PTCHD1: variants seen among roughly 807,000 people sequenced by gnomAD.
PTCHD1 encodes the protein patched domain containing 1.
A neutral mutation model predicts 34.6 loss-of-function variants in PTCHD1; 3 were observed. The ratio of observed to expected loss-of-function variants is 0.09; its 90% CI spans 0.04 to 0.22. PTCHD1 has a LOEUF of 0.22. Among genes scored for constraint, PTCHD1 ranks in the 10% least tolerant of loss-of-function variants. PTCHD1 has a pLI of 1.00. For synonymous variants in PTCHD1, 305 were observed against 283.1 expected (o/e 1.08, Z -0.77); for missense variants, 504 against 685.5 (o/e 0.74, Z 2.96).
At chrX:23,337,369 G>A (rs1414402930) in intron 1 of PTCHD1, among the ~76,000 whole-genome samples, 1 of 111,739 alleles carries the variant, frequency 8.9e-6, no homozygotes, top group East Asian at 2.8e-4. Flanking sequence ...CAGACTTACG[G>A]AACCAAGGAA....
At position 23,400,720 on chromosome X, in the gene PTCHD1, AC is replaced by A. The variant is rs906109471; in HGVS notation, c.*6537del. On this transcript the variant is annotated 3_prime_UTR_variant, in exon 3 of 3. Transcript: ENST00000379361. ...GCCTTGCATGAAGCACAAAGGACAC[AC>A]CAATGGCTGATCAGTGGCCCTTCCA... 8.9e-6 allele frequency: 1 copy of A among 112,148 alleles called. No homozygotes were observed. Among genetic ancestry groups the A allele is most frequent in the African/African-American group, 3.2e-5 (1 of 30,843 alleles). 9.2% of individuals were successfully genotyped at this position (112,148 alleles called of 1,213,427 possible). A position where few individuals can be genotyped will look rare whatever the true frequency, so the allele number is the denominator to read the frequency against.
intron 1 of PTCHD1, among the ~76,000 whole-genome samples, chrX:23,361,790 T>G (rs1318595001): frequency 4.5e-5 from 5 of 112,044 alleles, no homozygotes; most frequent in African/African-American, 1.6e-4. Context: ...GCTGGTACCG[T>G]TTGTTCCTTT....
At chrX:23,367,209 T>C (rs1040690353) in intron 1 of PTCHD1, among the ~76,000 whole-genome samples, 1 of 111,971 alleles carries the variant, frequency 8.9e-6, no homozygotes, top group African/African-American at 3.3e-5. Flanking sequence ...TTAATATATG[T>C]TGAGTAAATG....
At chrX:23,344,201 C>T (rs1056901955) in intron 1 of PTCHD1, among the ~76,000 whole-genome samples, 2 of 112,087 alleles carry the variant, frequency 1.8e-5, no homozygotes, top group African/African-American at 6.5e-5. Context: ...ATCAGGAAAG[C>T]CAAGTTCAAG....
chrX:23,342,290 ATATATATATATATATATATATTT>A (rs1274626286), intron 1 of PTCHD1, among the ~76,000 whole-genome samples: 14 of 5,987 alleles, frequency 2.3e-3, no homozygotes, highest in African/African-American at 0.013. Flanking sequence ...ATATATATAT[ATATATATATATATATATATATTT>A]TTTTTTTTTT....
chrX:23,334,911 G>C lies in PTCHD1; in HGVS notation c.36G>C (p.Thr12=). Reference sequence around the variant, plus strand: ...AGGTTCTGCACAGGGGCTTGAGGACGTGTTTCTCCCGGCTCGGCCACTTCA... The same window carrying C: ...AGGTTCTGCACAGGGGCTTGAGGACCTGTTTCTCCCGGCTCGGCCACTTCA... The part of the protein sequence containing the change: ...LRQVLHRGLR[T]CFSRLGHFIA... Residue 12 remains threonine (T), a synonymous_variant, in exon 1 of 3, where the codon ACG becomes ACC. Transcript: ENST00000379361. 8.3e-7 allele frequency: 1 copy of C among 1,203,116 alleles called. No individual in the cohort carries two copies. The highest frequency in any genetic ancestry group is 1.1e-6 in the Non-Finnish European group (1 of 891,501).
Position 23,400,798 on chromosome X carries a change from T to C in PTCHD1, c.*6613T>C, listed in dbSNP as rs953588209. The C allele has an allele frequency of 9.0e-6, 1 of 111,458 alleles. No individual in the cohort carries two copies. The allele number at this position is 111,458 out of a possible 1,213,427, so 9.2% of individuals were successfully genotyped here. On this transcript the variant is annotated 3_prime_UTR_variant, in exon 3 of 3. Transcript: ENST00000379361. ...AAAGCCTTCTATTGAGATGGAGGAA[T>C]ATTAGCTCAACTTTGTAGCATCTGA...
chrX:23,390,511 C>G (rs1024093405), intron 2 of PTCHD1, among the ~76,000 whole-genome samples: 7 of 111,352 alleles, frequency 6.3e-5, no homozygotes, highest in African/African-American at 2.3e-4. Context: ...ATGTTAATAC[C>G]TAAGCATAAT....
At chrX:23,342,191 T>A (rs1432912945) in intron 1 of PTCHD1, among the ~76,000 whole-genome samples, 1 of 103,318 alleles carries the variant, frequency 9.7e-6, no homozygotes, top group Non-Finnish European at 2.0e-5. Context: ...TCTCCCCAAC[T>A]CCAGCCATCA....
chrX:23,376,112 T>G (rs1020459932), intron 1 of PTCHD1, among the ~76,000 whole-genome samples: 1 of 111,876 alleles, frequency 8.9e-6, no homozygotes, highest in African/African-American at 3.3e-5. Context: ...CACGCGCGAG[T>G]GCAAGCACGC....
intron 1 of PTCHD1, among the ~76,000 whole-genome samples, chrX:23,363,041 C>T (rs1396826313): frequency 8.9e-6 from 1 of 111,862 alleles, no homozygotes; most frequent in Admixed American, 9.4e-5. Flanking sequence ...GAGGAGCACC[C>T]ACCTGTATGA....
At chrX:23,336,105 G>C (rs1041222630) in intron 1 of PTCHD1, among the ~76,000 whole-genome samples, 1 of 110,909 alleles carries the variant, frequency 9.0e-6, no homozygotes. Context: ...CGCAGAAACC[G>C]GTTGTGCCAT....
intron 2 of PTCHD1, among the ~76,000 whole-genome samples, chrX:23,381,575 G>C (rs1044022620): frequency 2.7e-5 from 3 of 111,966 alleles, no homozygotes; most frequent in African/African-American, 9.7e-5. Flanking sequence ...GTGAGCACAC[G>C]ATAAGCGGGG....
intron 1 of PTCHD1, among the ~76,000 whole-genome samples, chrX:23,346,234 A>T (rs982776269): frequency 4.5e-5 from 5 of 112,175 alleles, no homozygotes; most frequent in African/African-American, 6.5e-5. Context: ...CTGTTAAAGA[A>T]CAAGTTACTC....
At chrX:23,367,148 A>G (rs2146631829) in intron 1 of PTCHD1, among the ~76,000 whole-genome samples, 1 of 112,282 alleles carries the variant, frequency 8.9e-6, no homozygotes, top group Admixed American at 9.4e-5. Flanking sequence ...TTATGTCTTA[A>G]TGTTCTTTAT....
chrX:23,337,452 T>C (rs1180008302), intron 1 of PTCHD1, among the ~76,000 whole-genome samples: 1 of 111,752 alleles, frequency 8.9e-6, no homozygotes, highest in Non-Finnish European at 1.9e-5. Flanking sequence ...TTGGTAGATA[T>C]GGAGCCAGGG....
At chrX:23,339,313 TATCAAA>T (rs1487086681) in intron 1 of PTCHD1, among the ~76,000 whole-genome samples, 1 of 112,117 alleles carries the variant, frequency 8.9e-6, no homozygotes, top group Non-Finnish European at 1.9e-5. Context: ...CCCGTAGTCA[TATCAAA>T]GCGTATTTCA....
chrX:23,379,990 C>A lies in PTCHD1; in HGVS notation c.751C>A (p.Pro251Thr). The A allele has an allele frequency of 8.3e-7, 1 of 1,211,659 alleles. No individual in the cohort carries two copies. Among genetic ancestry groups the A allele is most frequent in the Non-Finnish European group, 1.1e-6 (1 of 895,474 alleles). ...ATCCAACAGCAAAGTCAAAATGTAC[C>A]CTTACACGTCCTCCTCACTGAGGGA... ...QKSNSKVKMYPYTSSSLREDF... is the reference protein window; with the variant it reads ...QKSNSKVKMYTYTSSSLREDF... Residue 251 changes from proline to threonine, a missense_variant, in exon 2 of 3, where the codon CCT becomes ACT. Transcript: ENST00000379361.
intron 1 of PTCHD1, among the ~76,000 whole-genome samples, chrX:23,342,734 G>A (rs1921375595): frequency 9.0e-6 from 1 of 110,996 alleles, no homozygotes; most frequent in African/African-American, 3.3e-5. Flanking sequence ...GAATACAGAA[G>A]TCTGCAGGCC....
Sources: allele counts gnomAD v4.1 joint callset (sites outside exome capture counted in the v4.1 genomes callset), GRCh38; gene constraint gnomAD v4.1.1; transcripts MANE v1.5; gene names NCBI Gene and HGNC (gene_info 2026-07-23, HGNC 2026-07-21).